RERE: variants seen among roughly 807,000 people sequenced by gnomAD.
RERE encodes arginine-glutamic acid dipeptide repeats.
Under a neutral mutation model 146.1 loss-of-function variants are expected in RERE, and 40 were observed. The ratio of observed to expected loss-of-function variants is 0.27; its 90% confidence interval spans 0.21 to 0.36. The LOEUF (loss-of-function observed/expected upper bound fraction) is 0.36, where lower values mean the gene tolerates loss of function less well. Ranked by LOEUF, RERE falls within the 10% of genes least tolerant of loss-of-function variation. The pLI, the probability that RERE is intolerant of heterozygous loss-of-function variation, is 1.00. For synonymous variants in RERE, 1,003 were observed against 866.0 expected (o/e 1.16, Z -2.78); for missense variants, 1,933 against 2,138.7 (o/e 0.90, Z 1.90).
intron 8 of RERE, among the ~76,000 whole-genome samples, chr1:8,500,273 T>C (rs1645112578): frequency 6.6e-6 from 1 of 152,156 alleles, no homozygotes; most frequent in Non-Finnish European, 1.5e-5. Flanking sequence ...AATCGAAAAG[T>C]ACTATTACTG....
rs559893777 is a variant in RERE, at chr1:8,798,111, T to G, written c.-145+19049A>C. Among the ~76,000 whole-genome samples, 4 of 152,196 alleles carry G rather than the reference T, an allele frequency of 2.6e-5. No homozygotes were observed. The South Asian group carries it at 6.2e-4, about 24-fold the overall frequency. On this transcript the variant is annotated intron_variant, in intron 1 of 22. Transcript: ENST00000400908. ...CCATTTCTATAAAAAATTTAAAACT[T>G]AGGCCGGATGCAGTGGCTCACGCCT...
intron 1 of RERE, among the ~76,000 whole-genome samples, chr1:8,813,762 G>A (rs1280642396): frequency 2.0e-5 from 3 of 151,812 alleles, no homozygotes; most frequent in East Asian, 1.9e-4. Flanking sequence ...TTACAGCCAC[G>A]CGCCAAAGTG....
At chr1:8,367,693 GATA>G (rs1641867581) in intron 12 of RERE, among the ~76,000 whole-genome samples, 1 of 152,208 alleles carries the variant, frequency 6.6e-6, no homozygotes, top group African/African-American at 2.4e-5. Flanking sequence ...GAGAAATGCA[GATA>G]CTGCCATTGG....
intron 11 of RERE, among the ~76,000 whole-genome samples, chr1:8,424,438 G>T (rs1273204256): frequency 6.6e-6 from 1 of 152,182 alleles, no homozygotes; most frequent in Non-Finnish European, 1.5e-5. Flanking sequence ...TTGCGTTTTT[G>T]AATTTCACCC....
At chr1:8,479,758 T>A (rs190273571) in intron 10 of RERE, among the ~76,000 whole-genome samples, 1 of 152,342 alleles carries the variant, frequency 6.6e-6, no homozygotes, top group East Asian at 1.9e-4. Flanking sequence ...TCCAGAACTG[T>A]GAGAGAACAC....
intron 1 of RERE, among the ~76,000 whole-genome samples, chr1:8,777,233 A>G (rs1450382217): frequency 6.6e-6 from 1 of 152,218 alleles, no homozygotes; most frequent in Non-Finnish European, 1.5e-5. Context: ...CCACTTCTGG[A>G]AAGCATTGTC....
At chr1:8,721,270 G>C (rs928835733) in intron 1 of RERE, among the ~76,000 whole-genome samples, 1 of 152,130 alleles carries the variant, frequency 6.6e-6, no homozygotes, top group African/African-American at 2.4e-5. Context: ...GGAAATGGAA[G>C]AGTTGAACCG....
intron 4 of RERE, among the ~76,000 whole-genome samples, chr1:8,562,168 C>A (rs1646086342): frequency 6.6e-6 from 1 of 152,044 alleles, no homozygotes; most frequent in African/African-American, 2.4e-5. Context: ...GAAAAGAGGT[C>A]CCTTAAAGTT....
intron 12 of RERE, among the ~76,000 whole-genome samples, chr1:8,367,627 C>A (rs1395998197): frequency 2.0e-5 from 3 of 152,214 alleles, no homozygotes; most frequent in Non-Finnish European, 4.4e-5. Flanking sequence ...CATGTCCCTA[C>A]ACGTATGTGC....
At chr1:8,426,397 T>C (rs915442510) in intron 11 of RERE, among the ~76,000 whole-genome samples, 19 of 145,530 alleles carry the variant, frequency 1.3e-4, no homozygotes, top group African/African-American at 4.4e-4. Context: ...CAGCTTGCAG[T>C]GAGCCGAAAT....
intron 10 of RERE, among the ~76,000 whole-genome samples, chr1:8,469,432 C>A (rs1644650718): frequency 6.6e-6 from 1 of 152,104 alleles, no homozygotes; most frequent in Non-Finnish European, 1.5e-5. Context: ...GCCTGGCCAA[C>A]AGGGTGAAAC....
chr1:8,643,347 A>G (rs1647206292), intron 2 of RERE, among the ~76,000 whole-genome samples: 1 of 152,218 alleles, frequency 6.6e-6, no homozygotes, highest in South Asian at 2.1e-4. Flanking sequence ...AGCCACCTAA[A>G]GAACATTTCT....
rs76948207 is a variant in RERE at position 8,464,389 on chromosome 1, G to A, written c.1203+1536C>T. Among the ~76,000 whole-genome samples the A allele has an allele frequency of 6.1e-3, 920 of 151,878 alleles. 8 individuals carry two copies. The highest frequency in any genetic ancestry group is 0.022 in the African/African-American group (893 of 41,414). On this transcript the variant is annotated intron_variant, in intron 11 of 22. Coordinates refer to ENST00000400908, the MANE Select transcript of RERE (RefSeq NM_001042681.2). Reference sequence around the variant, plus strand: ...CCTGGATCTCGCTGCTTCTTATCACGACCACTGCTGCCACACCACCCAGCC... The same window carrying A: ...CCTGGATCTCGCTGCTTCTTATCACAACCACTGCTGCCACACCACCCAGCC...
At chr1:8,476,300 C>G (rs1644755488) in intron 10 of RERE, among the ~76,000 whole-genome samples, 1 of 152,176 alleles carries the variant, frequency 6.6e-6, no homozygotes, top group Non-Finnish European at 1.5e-5. Context: ...CATGAGGATT[C>G]TAACATAAAC....
At chr1:8,724,711 C>A (rs1639924960) in intron 1 of RERE, among the ~76,000 whole-genome samples, 1 of 151,166 alleles carries the variant, frequency 6.6e-6, no homozygotes, top group South Asian at 2.1e-4. Context: ...CACCTGTAAT[C>A]CCAGCTACTC....
chr1:8,724,895 T>C (rs1179733949), intron 1 of RERE, among the ~76,000 whole-genome samples: 10 of 105,228 alleles, frequency 9.5e-5, no homozygotes, highest in African/African-American at 3.8e-4. Context: ...AAAAAACAAC[T>C]CAACCTTCTT....
In RERE at chr1:8,628,455, C is replaced by T. The variant is rs193289342; in HGVS notation, c.326-4075G>A. Reference sequence around the variant, plus strand: ...GTCTAATTCATTTTTAAAATCAAAGCATGACGAACTATTGTACAGTCAAAC... The same window carrying T: ...GTCTAATTCATTTTTAAAATCAAAGTATGACGAACTATTGTACAGTCAAAC... On this transcript the variant is annotated intron_variant, in intron 2 of 22. Transcript: ENST00000400908. Among the ~76,000 whole-genome samples the T allele has an allele frequency of 4.6e-5, 7 of 152,254 alleles. No homozygotes were observed. The East Asian group carries it at 1.3e-3, about 29-fold the overall frequency.
chr1:8,428,520 G>C (rs748286443), intron 11 of RERE: 1 of 152,102 alleles, frequency 6.6e-6, no homozygotes, highest in African/African-American at 2.4e-5. Context: ...GCTGAATTTC[G>C]TATCACCATC....
At chr1:8,747,860 C>T (rs562066596) in intron 1 of RERE, among the ~76,000 whole-genome samples, 1 of 152,180 alleles carries the variant, frequency 6.6e-6, no homozygotes, top group African/African-American at 2.4e-5. Context: ...CCGAGAACTC[C>T]GCCTCCCGGG....
Sources: allele counts gnomAD v4.1 joint callset (sites outside exome capture counted in the v4.1 genomes callset), GRCh38; gene constraint gnomAD v4.1.1; transcripts MANE v1.5; gene names NCBI Gene and HGNC (gene_info 2026-07-23, HGNC 2026-07-21).